The following SLC35F4 variants were observed in gnomAD, a reference collection of about 807,000 sequenced individuals.
The protein encoded by SLC35F4 is solute carrier family 35 member F4, also known as chromosome 14 open reading frame 36.
SLC35F4 carries 24 observed loss-of-function variants against 44.2 expected under a neutral mutation model. The observed-to-expected ratio is 0.54, with a 90% CI of 0.39 to 0.76. SLC35F4 has a LOEUF of 0.76. Ranked by LOEUF, SLC35F4 falls within the 30% of genes least tolerant of loss-of-function variation. SLC35F4 has a pLI of 0.00. For synonymous variants in SLC35F4, 238 were observed against 223.6 expected (o/e 1.06, Z -0.57); for missense variants, 562 against 586.1 (o/e 0.96, Z 0.42).
In SLC35F4 at chr14:57,844,941, A is replaced by ACC. The variant is rs11343420; in HGVS notation, c.103+20780_103+20781dup. The stretch of plus-strand genomic sequence containing the variant: ...TCTCTCTGTCTCTGTCTCTTCCCCC[A>ACC]CCCCCCCATGCACATACAAAATCTT... On this transcript the variant is annotated intron_variant, in intron 1 of 7. Coordinates refer to ENST00000556826, the MANE Select transcript of SLC35F4 (RefSeq NM_001306087.2). 1.1e-3 allele frequency among the ~76,000 whole-genome samples: 165 copies of ACC among 145,206 alleles called. 2 individuals are homozygous for ACC. The highest frequency in any genetic ancestry group is 2.1e-3 in the South Asian group (9 of 4,310).
rs530836063 is a variant in SLC35F4, at chr14:57,599,547, TAGA to T, written c.104-5426_104-5424del. 1.4e-3 allele frequency among the ~76,000 whole-genome samples: 210 copies of T among 152,210 alleles called. 1 individual carries two copies. The highest frequency in any genetic ancestry group is 4.8e-3 in the African/African-American group (199 of 41,516). On this transcript the variant is annotated intron_variant, in intron 1 of 7. Coordinates refer to ENST00000556826, the MANE Select transcript of SLC35F4 (RefSeq NM_001306087.2). ...TGAAGCGGCGAGGGGACAGAGTGAT[TAGA>T]AGAATCTGGGGCCGGGCACGGTGGC... is the stretch of plus-strand genomic sequence containing the variant.
At chr14:57,785,145 G>A (rs2077723619) in intron 1 of SLC35F4, among the ~76,000 whole-genome samples, 2 of 152,170 alleles carry the variant, frequency 1.3e-5, no homozygotes, top group South Asian at 2.1e-4. Context: ...ACCCCTGCCT[G>A]TGCAAAGGTC....
At chr14:57,869,282 A>G (rs1888246811), upstream of SLC35F4, among the ~76,000 whole-genome samples, 1 of 152,144 alleles carries the variant, frequency 6.6e-6, no homozygotes, top group South Asian at 2.1e-4. Flanking sequence ...TGATGCTAGA[A>G]TAGCTATACC....
intron 1 of SLC35F4, among the ~76,000 whole-genome samples, chr14:57,942,334 C>A (rs1299453655): frequency 6.6e-6 from 1 of 152,166 alleles, no homozygotes; most frequent in Non-Finnish European, 1.5e-5. Flanking sequence ...AATAAGTTGA[C>A]TCTTATACCT....
At chr14:57,716,506 T>C (rs1021914975) in intron 1 of SLC35F4, among the ~76,000 whole-genome samples, 4 of 152,198 alleles carry the variant, frequency 2.6e-5, no homozygotes, top group Admixed American at 6.5e-5. Context: ...GATGATTCAC[T>C]GTTTTAATTT....
chr14:57,768,224 T>G (rs1319274138), intron 1 of SLC35F4, among the ~76,000 whole-genome samples: 1 of 152,168 alleles, frequency 6.6e-6, no homozygotes, highest in Non-Finnish European at 1.5e-5. Context: ...TCCCATTGGG[T>G]TTACCTACAT....
At chr14:57,565,535 G>A (rs916951278) in intron 7 of SLC35F4, among the ~76,000 whole-genome samples, 18 of 152,310 alleles carry the variant, frequency 1.2e-4, no homozygotes, top group African/African-American at 4.1e-4. Flanking sequence ...CCTGTCACTA[G>A]TGTTAGGACA....
At position 57,808,394 on chromosome 14, in the gene SLC35F4, A is replaced by T. The variant is rs556615752; in HGVS notation, c.103+57329T>A. On this transcript the variant is annotated intron_variant, in intron 1 of 7. Transcript: ENST00000556826. The stretch of plus-strand genomic sequence containing the variant: ...AAGGCAGTCAAAAGACATGAATGTT[A>T]TCACATTATAAAAATGAAAATAAAA... Among the ~76,000 whole-genome samples the T allele has an allele frequency of 2.6e-5, 4 of 152,070 alleles. No homozygotes were observed. In the South Asian group the frequency reaches 8.3e-4, roughly 31 times the overall value.
intron 1 of SLC35F4, among the ~76,000 whole-genome samples, chr14:57,620,759 G>C (rs1161484734): frequency 2.6e-5 from 4 of 152,176 alleles, no homozygotes; most frequent in Non-Finnish European, 4.4e-5. Context: ...TCAAAGGCAA[G>C]ACAGGGATGC....
chr14:57,799,053 C>T (rs1373763582), intron 1 of SLC35F4, among the ~76,000 whole-genome samples: 1 of 152,184 alleles, frequency 6.6e-6, no homozygotes, highest in African/African-American at 2.4e-5. Flanking sequence ...CGGTCCTCAG[C>T]GCTCACAGGA....
At chr14:57,638,435 C>A (rs912980253) in intron 1 of SLC35F4, among the ~76,000 whole-genome samples, 18 of 152,158 alleles carry the variant, frequency 1.2e-4, no homozygotes, top group Middle Eastern at 3.4e-3. Context: ...GTGTTAGGGG[C>A]CCCTTCGTGA....
In SLC35F4 at chr14:57,853,684, TA is replaced by T. The variant is rs201750708; in HGVS notation, c.103+12038del. ...AAACGCTGGAACTGCTGGCAGTGGCTATTTTCGACCATTTGGACAAGGAAAT... is the reference window on the plus strand; with the variant it reads ...AAACGCTGGAACTGCTGGCAGTGGCTTTTTCGACCATTTGGACAAGGAAAT... On this transcript the variant is annotated intron_variant, in intron 1 of 7. Coordinates refer to ENST00000556826, the MANE Select transcript of SLC35F4 (RefSeq NM_001306087.2). 0.023 allele frequency among the ~76,000 whole-genome samples: 3,574 copies of T among 152,280 alleles called. 443 individuals carry two copies. In the East Asian group the frequency reaches 0.4, roughly 17 times the overall value.
chr14:57,614,680 T>G (rs2071706321), intron 1 of SLC35F4, among the ~76,000 whole-genome samples: 1 of 152,334 alleles, frequency 6.6e-6, no homozygotes, highest in Middle Eastern at 3.4e-3. Context: ...AGGGCCCAGC[T>G]GTCACAGTAG....
At chr14:57,665,140 A>G (rs1367877398) in intron 1 of SLC35F4, among the ~76,000 whole-genome samples, 4 of 147,600 alleles carry the variant, frequency 2.7e-5, no homozygotes, top group African/African-American at 1.0e-4. Context: ...GCCCACCACC[A>G]CCCCGCACAC....
chr14:57,578,949 C>CTGG (rs2069023079), intron 4 of SLC35F4: 1 of 152,256 alleles, frequency 6.6e-6, no homozygotes, highest in Non-Finnish European at 1.5e-5. Context: ...CAAAATACAG[C>CTGG]TGGGACCAAA....
At chr14:57,589,158 G>A in intron 3 of SLC35F4, 58 bp downstream of exon 3, 1 of 1,503,062 alleles carries the variant, frequency 6.7e-7, no homozygotes, top group Non-Finnish European at 8.9e-7. Context: ...ATAAAAATAG[G>A]CATATTTTCA....
At chr14:57,858,277 A>G (rs1395440641) in intron 1 of SLC35F4, among the ~76,000 whole-genome samples, 1 of 152,026 alleles carries the variant, frequency 6.6e-6, no homozygotes, top group Non-Finnish European at 1.5e-5. Flanking sequence ...CTCGGAACCA[A>G]CCCAAATGTC....
chr14:57,904,380 C>T (rs74053866), intron 1 of SLC35F4, among the ~76,000 whole-genome samples: 3,500 of 152,272 alleles, frequency 0.023, 119 homozygotes, highest in East Asian at 0.086. Context: ...AGGAAGCAAA[C>T]GGTATTCTCA....
Position 57,624,465 on chromosome 14 carries a change from T to C in SLC35F4, c.104-30341A>G, listed in dbSNP as rs1428793303. ...CCTAACTCATTTTATGAGGCCAGTG[T>C]CATCCTGATACAACAACCTGGGGGA... is the stretch of plus-strand genomic sequence containing the variant. On this transcript the variant is annotated intron_variant, in intron 1 of 7. Coordinates refer to ENST00000556826, the MANE Select transcript of SLC35F4 (RefSeq NM_001306087.2). 3.3e-5 allele frequency among the ~76,000 whole-genome samples: 5 copies of C among 152,176 alleles called. No individual in the cohort carries two copies. In the East Asian group the frequency reaches 7.7e-4, roughly 23 times the overall value.
Sources: gnomAD v4.1 joint callset for allele counts (sites outside exome capture counted in the v4.1 genomes callset) on GRCh38, gnomAD v4.1.1 for gene constraint, MANE v1.5 for transcripts, NCBI Gene and HGNC (gene_info 2026-07-23, HGNC 2026-07-21) for gene names.